Variants in ATP13A2 observed in about 807,000 individuals in gnomAD.
The protein encoded by ATP13A2 is ATPase cation transporting 13A2, also known as polyamine-transporting ATPase 13A2.
ATP13A2 carries 83 observed loss-of-function variants against 138.3 expected under a neutral mutation model. The observed-to-expected ratio is 0.60, with a 90% confidence interval of 0.50 to 0.72. The LOEUF is 0.72. Ranked by LOEUF, ATP13A2 falls within the 30% of genes least tolerant of loss-of-function variation. ATP13A2 has a pLI of 0.00. For synonymous variants in ATP13A2, 663 were observed against 699.0 expected (o/e 0.95, Z 0.81); for missense variants, 1,402 against 1,606.4 (o/e 0.87, Z 2.17).
intron 19 of ATP13A2, 58 bp from the exon 20 acceptor site, chr1:16,991,916 G>A (rs2076944767): frequency 1.9e-6 from 3 of 1,612,550 alleles, no homozygotes; most frequent in South Asian, 2.2e-5. Context: ...CCCTCTCCCA[G>A]CCACCAGGCA....
intron 7 of ATP13A2, 43 bp from the exon 8 acceptor site, chr1:17,002,146 T>C: frequency 6.2e-7 from 1 of 1,603,488 alleles, no homozygotes; most frequent in Admixed American, 1.7e-5. Flanking sequence ...GGAGGAGCTG[T>C]GGCTGGACCC....
In ATP13A2 at chr1:16,993,797, C is replaced by T. The variant is rs1367885280; in HGVS notation, c.1581G>A (p.Gly527=). ...ATGCCTGCCCCTTCAGGGGCACCAC[C>T]CCCATCACGTCTAAGCCGTCCTCAG... ...TLTEDGLDVM[G]VVPLKGQAFL... is the part of the protein sequence containing the mutation. The change falls in exon 16 of 29, where the codon GGG becomes GGA. Residue 527 remains glycine (G), a synonymous_variant. Coordinates refer to ENST00000326735, the MANE Select transcript of ATP13A2 (RefSeq NM_022089.4). 4.4e-6 allele frequency: 7 copies of T among 1,582,452 alleles called. No individual in the cohort carries two copies. Among genetic ancestry groups the T allele is most frequent in the Non-Finnish European group, 6.0e-6 (7 of 1,165,142 alleles).
At chr1:17,003,666 CT>C (rs71006407) in intron 6 of ATP13A2, among the ~76,000 whole-genome samples, 53,564 of 129,540 alleles carry the variant, frequency 0.41, 11,572 homozygotes, top group Non-Finnish European at 0.5. Context: ...GTTTCTTTTT[CT>C]TTTTTTTTTT....
Position 17,005,713 on chromosome 1 carries a change from C to T in ATP13A2, c.76G>A (p.Asp26Asn), listed in dbSNP as rs777060631. ...YGTLTIGTSI[D>N]PLSSSVSSVR... ...GATGAAACTGAGGAGCTGAGGGGAT[C>T]TATTGATGTCCCTATCGTCAGGGTC... The change falls in exon 2 of 29, where the codon GAT becomes AAT. Residue 26 changes from aspartate to asparagine, a missense_variant. Coordinates refer to ENST00000326735, the MANE Select transcript of ATP13A2 (RefSeq NM_022089.4). The T allele has an allele frequency of 1.9e-6, 3 of 1,613,884 alleles. No homozygotes were observed. The highest frequency in any genetic ancestry group is 1.1e-5 in the South Asian group (1 of 90,982).
intron 23 of ATP13A2, 143 bp downstream of exon 23, chr1:16,989,548 C>T: frequency 1.3e-6 from 1 of 786,886 alleles, no homozygotes; most frequent in Non-Finnish European, 2.2e-6. Flanking sequence ...CCTGGGAGAG[C>T]CTGCCTGCTT....
In ATP13A2 at chr1:16,987,216, G is replaced by C; in HGVS notation, c.2913C>G (p.Thr971=). ...LQFLAIDLVI[T]TTVAVLMSRT... ...GGCTCATGAGCACTGCCACTGTGGT[G>C]GTGATGACCAGGTCGATGGCCAGGA... Residue 971 remains threonine (T), a synonymous_variant, in exon 26 of 29, where the codon ACC becomes ACG. Coordinates refer to ENST00000326735, the MANE Select transcript of ATP13A2 (RefSeq NM_022089.4). 6.2e-7 allele frequency: 1 copy of C among 1,613,892 alleles called. No homozygotes were observed. Among genetic ancestry groups the C allele is most frequent in the South Asian group, 1.1e-5 (1 of 91,074 alleles).
In ATP13A2 at chr1:17,004,959, T is replaced by C. The variant is rs922945770; in HGVS notation, c.347+55A>G. ...ATGGGGGGGCCGAGGGTTGGGGAAGTTGGGGAGGCCAGGGTAGCAGGGGCT... is the reference window on the plus strand; with the variant it reads ...ATGGGGGGGCCGAGGGTTGGGGAAGCTGGGGAGGCCAGGGTAGCAGGGGCT... On this transcript the variant is annotated intron_variant, in intron 4 of 28. Transcript: ENST00000326735. The surrounding 1 kb of genome is among the most constrained non-coding windows in gnomAD (Gnocchi z 4.1). 10 of 1,612,174 alleles carry C rather than the reference T, an allele frequency of 6.2e-6. No homozygotes were observed. The highest frequency in any genetic ancestry group is 8.5e-6 in the Non-Finnish European group (10 of 1,179,410).
At chr1:16,989,372 G>C (rs2076844102) in intron 23 of ATP13A2, among the ~76,000 whole-genome samples, 1 of 152,052 alleles carries the variant, frequency 6.6e-6, no homozygotes, top group East Asian at 1.9e-4. Flanking sequence ...ACCACACCTG[G>C]CTAATTTTTA....
intron 1 of ATP13A2, 85 bp from the exon 2 acceptor site, chr1:17,005,863 G>A (rs1570899079): frequency 2.2e-5 from 29 of 1,327,176 alleles, no homozygotes; most frequent in East Asian, 5.0e-5. Context: ...GCCTGGGCGC[G>A]GTGGCTCACG....
chr1:16,990,091 G>A, intron 21 of ATP13A2, 36 bp downstream of exon 21: 1 of 1,614,078 alleles, frequency 6.2e-7, no homozygotes, highest in South Asian at 1.1e-5. Flanking sequence ...TGGGGTCACT[G>A]GGTGAGGTAC....
rs530498867 is a variant in ATP13A2, at chr1:16,990,384, G to A, written c.2252-97C>T. 9.3e-4 allele frequency: 1,387 copies of A among 1,496,366 alleles called. 7 individuals are homozygous for A. The Middle Eastern group carries it at 0.014, about 15-fold the overall frequency. The allele number at this position is 1,496,366 out of a possible 1,614,324, so 92.7% of individuals were successfully genotyped here. On this transcript the variant is annotated intron_variant, in intron 20 of 28. Transcript: ENST00000326735. ...TGGGAAAACAGGCTGGATGAAATCCGTCTGCCACCACCAGCCAAGTGAGCT... is the reference window on the plus strand; with the variant it reads ...TGGGAAAACAGGCTGGATGAAATCCATCTGCCACCACCAGCCAAGTGAGCT...
Position 17,011,843 on chromosome 1 carries a change from G to A in ATP13A2, c.-105C>T. 9.7e-7 allele frequency: 1 copy of A among 1,027,726 alleles called. No homozygotes were observed. The highest frequency in any genetic ancestry group is 1.2e-6 in the Non-Finnish European group (1 of 850,530). 63.7% of individuals were successfully genotyped at this position (1,027,726 alleles called of 1,614,324 possible). On this transcript the variant is annotated 5_prime_UTR_variant, in exon 1 of 29. Transcript: ENST00000326735. This position sits in a 1 kb window ranked among gnomAD's most constrained non-coding sequence, Gnocchi z 7.3. ...GGGCGCGGTCCGGACGGCCCGGGGC[G>A]AGGGGCGCTGGGCTAGCGCGGGGCT...
rs371220869 is a variant in ATP13A2 at position 16,986,825 on chromosome 1, C to T, written c.3215G>A (p.Arg1072His). Residue 1072 changes from arginine to histidine, a missense_variant, in exon 27 of 29, where the codon CGC becomes CAC. Transcript: ENST00000326735. This position sits in a 1 kb window ranked among gnomAD's most constrained non-coding sequence, Gnocchi z 6.9. ...AAAVSKGAPF[R>H]RPLYTNVPFL... ...GGCACCATTGGTGTAGAGCGGCCGG[C>T]GGAAGGGCGCCCCCTTGGACACGGC... 1.4e-5 allele frequency: 23 copies of T among 1,612,780 alleles called. 1 individual carries two copies. In the Middle Eastern group the frequency reaches 5.0e-4, roughly 35 times the overall value.
intron 11 of ATP13A2, 35 bp from the exon 12 acceptor site, chr1:16,997,210 C>T: frequency 6.2e-7 from 1 of 1,612,476 alleles, no homozygotes; most frequent in Non-Finnish European, 8.5e-7. Flanking sequence ...CCACTCCACA[C>T]CCCTCCCTCC....
intron 1 of ATP13A2, among the ~76,000 whole-genome samples, chr1:17,008,578 C>T (rs747065150): frequency 1.1e-4 from 16 of 152,140 alleles, no homozygotes; most frequent in Non-Finnish European, 7.4e-5. Flanking sequence ...CTCTCTTCTC[C>T]TTTCACATCA....
In ATP13A2 at chr1:17,003,293, C is replaced by T; in HGVS notation, c.558-920G>A. Among the ~76,000 whole-genome samples the T allele has an allele frequency of 1.3e-5, 2 of 152,142 alleles. 1 individual carries two copies. The highest frequency in any genetic ancestry group is 3.9e-4 in the East Asian group (2 of 5,192). On this transcript the variant is annotated intron_variant, in intron 6 of 28. Coordinates refer to ENST00000326735, the MANE Select transcript of ATP13A2 (RefSeq NM_022089.4). ...AGTGTGTGAGCAGGGCCCGGTGGCT[C>T]ATGCCTGTAATTCTAGCACTTTGGG...
chr1:16,990,675 C>T (rs766617594), intron 20 of ATP13A2, among the ~76,000 whole-genome samples: 3 of 146,966 alleles, frequency 2.0e-5, no homozygotes, highest in African/African-American at 2.5e-5. Flanking sequence ...GGTGCGACCA[C>T]ACCAGGCTAA....
intron 12 of ATP13A2, 30 bp from the exon 13 acceptor site, chr1:16,996,526 G>T: frequency 6.3e-7 from 1 of 1,592,298 alleles, no homozygotes; most frequent in Non-Finnish European, 8.6e-7. Flanking sequence ...CCCAAGGCAG[G>T]GAAGCCAGGG....
At position 17,011,553 on chromosome 1, in the gene ATP13A2, G is replaced by T. The variant is rs1180967704; in HGVS notation, c.10+176C>A. Among the ~76,000 whole-genome samples the T allele has an allele frequency of 6.6e-6, 1 of 152,146 alleles. No homozygotes were observed. Among genetic ancestry groups the T allele is most frequent in the African/African-American group, 2.4e-5 (1 of 41,448 alleles). The stretch of plus-strand genomic sequence containing the variant: ...CCCGGCGTCTCTGGGAAGAAACCGG[G>T]GCCGAGTCCCCGTCAAAAGGGAGGG... On this transcript the variant is annotated intron_variant, in intron 1 of 28. Transcript: ENST00000326735. This position sits in a 1 kb window ranked among gnomAD's most constrained non-coding sequence, Gnocchi z 7.3.
Sources: gnomAD v4.1 joint callset for allele counts (sites outside exome capture counted in the v4.1 genomes callset) on GRCh38, gnomAD v4.1.1 for gene constraint, Gnocchi (gnomAD v3.1) non-coding constraint, MANE v1.5 for transcripts, NCBI Gene and HGNC (gene_info 2026-07-23, HGNC 2026-07-21) for gene names.